GLP2R: variants seen among roughly 807,000 people sequenced by gnomAD.
GLP2R encodes glucagon like peptide 2 receptor.
GLP2R carries 59 observed loss-of-function variants against 68.2 expected under a neutral mutation model. The observed-to-expected ratio is 0.87, with a 90% CI of 0.70 to 1.07. GLP2R has a LOEUF of 1.07. Among genes scored for constraint, GLP2R ranks in the 50% least tolerant of loss-of-function variants. The pLI, the probability that GLP2R is intolerant of heterozygous loss-of-function variation, is 0.00. For synonymous variants in GLP2R, 270 were observed against 265.4 expected, an observed-to-expected ratio of 1.02 and a Z score of -0.17; for missense variants, 548 against 677.4, an observed-to-expected ratio of 0.81 and a Z score of 2.12.
At chr17:9,860,129 T>G in intron 7 of GLP2R, 28 bp downstream of exon 7, 1 of 1,543,384 alleles carries the variant, frequency 6.5e-7, no homozygotes, top group Non-Finnish European at 8.8e-7. Flanking sequence ...CAGCTTCCTT[T>G]CCTGGGGATC....
At position 9,886,694 on chromosome 17, in the gene GLP2R, T is replaced by C. The variant is rs551693221; in HGVS notation, c.1285-1238T>C. On this transcript the variant is annotated intron_variant, in intron 11 of 12. Coordinates refer to ENST00000262441, the MANE Select transcript of GLP2R (RefSeq NM_004246.3). ...TCATGGGCAGAATCCAAGCATTTGG[T>C]TGATGTCGTGATTGCCAGTGTGGAG... is the stretch of plus-strand genomic sequence containing the variant. Among the ~76,000 whole-genome samples, 5 of 152,304 alleles carry C rather than the reference T, an allele frequency of 3.3e-5. No homozygotes were observed. In the South Asian group the frequency reaches 8.3e-4, roughly 25 times the overall value.
At chr17:9,829,735 C>T (rs1416979990) in intron 1 of GLP2R, among the ~76,000 whole-genome samples, 1 of 152,122 alleles carries the variant, frequency 6.6e-6, no homozygotes. Flanking sequence ...ATGTGTCTTT[C>T]ATTCACAGAG....
chr17:9,856,394 C>A (rs112011601), intron 5 of GLP2R, among the ~76,000 whole-genome samples: 2 of 152,306 alleles, frequency 1.3e-5, no homozygotes, highest in South Asian at 4.1e-4. Flanking sequence ...TCCTAAGACA[C>A]AAGAACCTGC....
At chr17:9,834,818 G>A (rs2066712171) in intron 2 of GLP2R, 1 of 152,306 alleles carries the variant, frequency 6.6e-6, no homozygotes, top group Non-Finnish European at 1.5e-5. Context: ...TCAGCTGCAG[G>A]AACCACCTCT....
rs2067282020 is a variant in GLP2R at position 9,890,471 on chromosome 17, T to C, written c.*766T>C. ...GTCCCTGCACAGCAGGAGTTCTGCT[T>C]GATCCTCCCTTTGAGGATTGGCCCC... On this transcript the variant is annotated 3_prime_UTR_variant, in exon 13 of 13. Coordinates refer to ENST00000262441, the MANE Select transcript of GLP2R (RefSeq NM_004246.3). 1 of 162,722 alleles carries C rather than the reference T, an allele frequency of 6.1e-6. No individual in the cohort carries two copies. Among genetic ancestry groups the C allele is most frequent in the Admixed American group, 6.1e-5 (1 of 16,354 alleles). The allele number at this position is 162,722 out of a possible 1,614,324, so 10.1% of individuals were successfully genotyped here.
intron 4 of GLP2R, among the ~76,000 whole-genome samples, chr17:9,853,745 A>AAT (rs1474005989): frequency 1.3e-5 from 2 of 152,200 alleles, no homozygotes; most frequent in Non-Finnish European, 2.9e-5. Flanking sequence ...ACAGAGAAAA[A>AAT]CCTCGGACCT....
At chr17:9,839,572 T>C (rs766085821) in intron 3 of GLP2R, among the ~76,000 whole-genome samples, 2 of 152,144 alleles carry the variant, frequency 1.3e-5, no homozygotes, top group Non-Finnish European at 2.9e-5. Flanking sequence ...TGCTTCTCCA[T>C]GGCCTCCTCT....
At chr17:9,857,371 G>C (rs2066943083) in intron 5 of GLP2R, 52 bp from the exon 6 acceptor site, 1 of 1,571,620 alleles carries the variant, frequency 6.4e-7, no homozygotes, top group Non-Finnish European at 8.7e-7. Context: ...GAGGCCTGTT[G>C]GTTGGAGCCA....
chr17:9,826,910 C>T (rs948049496), intron 1 of GLP2R, among the ~76,000 whole-genome samples: 3 of 152,104 alleles, frequency 2.0e-5, no homozygotes, highest in Non-Finnish European at 2.9e-5. Context: ...CTCGCTCTGT[C>T]GCCCAGGCTG....
chr17:9,881,466 C>T (rs546601020), intron 11 of GLP2R, among the ~76,000 whole-genome samples: 4 of 132,020 alleles, frequency 3.0e-5, no homozygotes, highest in East Asian at 2.0e-4. Flanking sequence ...CTGCAAGCTC[C>T]GCCTCCCGGG....
chr17:9,843,135 C>G (rs1468245058), intron 4 of GLP2R, among the ~76,000 whole-genome samples: 2 of 151,916 alleles, frequency 1.3e-5, no homozygotes, highest in Admixed American at 6.6e-5. Flanking sequence ...CCACTGGTGA[C>G]AGGGGACTTG....
chr17:9,848,189 G>C (rs2066858897), intron 4 of GLP2R, among the ~76,000 whole-genome samples: 1 of 152,174 alleles, frequency 6.6e-6, no homozygotes, highest in Non-Finnish European at 1.5e-5. Flanking sequence ...TCAAGAATTT[G>C]TCTGACTTTT....
At chr17:9,871,721 CTTTTTT>C (rs372099240) in intron 10 of GLP2R, among the ~76,000 whole-genome samples, 10 of 102,312 alleles carry the variant, frequency 9.8e-5, no homozygotes, top group South Asian at 3.3e-4. Context: ...TACTTTCTTT[CTTTTTT>C]TTTTTTTTTT....
chr17:9,878,003 A>G (rs1298862288), intron 10 of GLP2R, among the ~76,000 whole-genome samples: 7 of 152,246 alleles, frequency 4.6e-5, no homozygotes, highest in Non-Finnish European at 8.8e-5. Flanking sequence ...TTAAAAAACC[A>G]TAACACCATA....
chr17:9,887,615 T>C (rs2067255114), intron 11 of GLP2R, among the ~76,000 whole-genome samples: 1 of 152,132 alleles, frequency 6.6e-6, no homozygotes, highest in Non-Finnish European at 1.5e-5. Context: ...ATTTGTATAA[T>C]TGAATGAATG....
At chr17:9,846,450 T>TA (rs2066839634) in intron 4 of GLP2R, among the ~76,000 whole-genome samples, 1 of 152,056 alleles carries the variant, frequency 6.6e-6, no homozygotes, top group Non-Finnish European at 1.5e-5. Flanking sequence ...ACCCCATCTC[T>TA]AAAAAATCAA....
At chr17:9,831,778 T>G (rs1027715636) in intron 1 of GLP2R, among the ~76,000 whole-genome samples, 6 of 152,058 alleles carry the variant, frequency 3.9e-5, no homozygotes, top group African/African-American at 1.4e-4. Flanking sequence ...GGAGGGTGGA[T>G]GGTGGCACCA....
chr17:9,873,535 A>T (rs1597398919), intron 10 of GLP2R, among the ~76,000 whole-genome samples: 1 of 131,626 alleles, frequency 7.6e-6, no homozygotes, highest in Admixed American at 7.7e-5. Context: ...TGTGGTGGAT[A>T]TCACAAAAAC....
chr17:9,857,691 A>G, intron 6 of GLP2R, 115 bp downstream of exon 6: 1 of 995,570 alleles, frequency 1.0e-6, no homozygotes, highest in Admixed American at 2.1e-5. Flanking sequence ...GAGGGTTTCC[A>G]AGACTTTCTG....
Sources: gnomAD v4.1 joint callset for allele counts (sites outside exome capture counted in the v4.1 genomes callset) on GRCh38, gnomAD v4.1.1 for gene constraint, MANE v1.5 for transcripts, NCBI Gene and HGNC (gene_info 2026-07-23, HGNC 2026-07-21) for gene names.